The following CNTN5 variants were observed in gnomAD, a reference collection of about 807,000 sequenced individuals.
CNTN5 encodes contactin-5.
Under a neutral mutation model 129.1 loss-of-function variants are expected in CNTN5, and 77 were observed. The observed-to-expected ratio is 0.60, with a 90% CI of 0.50 to 0.72. The LOEUF is 0.72. CNTN5 is among the 30% of genes least tolerant of loss of function. The pLI is 0.00. For synonymous variants in CNTN5, 509 were observed against 465.6 expected, an observed-to-expected ratio of 1.09 and a Z score of -1.20; for missense variants, 1,478 against 1,328.8, an observed-to-expected ratio of 1.11 and a Z score of -1.75.
At chr11:99,358,396 T>TA (rs143265113) in intron 2 of CNTN5, among the ~76,000 whole-genome samples, 53,350 of 149,236 alleles carry the variant, frequency 0.36, 9,658 homozygotes, top group Admixed American at 0.47. Context: ...CGAAACCCTG[T>TA]CTCTACTACA....
chr11:100,091,905 A>G (rs983030795), intron 13 of CNTN5, among the ~76,000 whole-genome samples: 7 of 152,050 alleles, frequency 4.6e-5, no homozygotes, highest in Non-Finnish European at 7.4e-5. Context: ...TTCCTACCTT[A>G]TATGTGTCCA....
chr11:100,196,019 G>A (rs564779016), intron 15 of CNTN5, among the ~76,000 whole-genome samples: 7 of 152,072 alleles, frequency 4.6e-5, no homozygotes, highest in African/African-American at 1.7e-4. Context: ...AGAGGGACAG[G>A]ATGGGGCTGA....
At chr11:99,101,529 G>C (rs1183310843) in intron 1 of CNTN5, among the ~76,000 whole-genome samples, 1 of 152,142 alleles carries the variant, frequency 6.6e-6, no homozygotes, top group Non-Finnish European at 1.5e-5. Flanking sequence ...ACAGACATTG[G>C]GTAAATACAG....
intron 2 of CNTN5, among the ~76,000 whole-genome samples, chr11:99,552,003 G>A (rs1948502005): frequency 6.6e-6 from 1 of 151,362 alleles, no homozygotes; most frequent in Non-Finnish European, 1.5e-5. Flanking sequence ...TGTCTCCCTG[G>A]TTCAAGTGAT....
Position 100,044,168 on chromosome 11 carries a change from A to ACG in CNTN5, c.981-17044_981-17043insCG, listed in dbSNP as rs1555184706. Among the ~76,000 whole-genome samples, 71 of 43,360 alleles carry ACG rather than the reference A, an allele frequency of 1.6e-3. 1 individual carries two copies. In the East Asian group the frequency reaches 0.037, roughly 23 times the overall value. 28.4% of individuals were successfully genotyped at this position (43,360 alleles called of 152,430 possible). On this transcript the variant is annotated intron_variant, in intron 9 of 24. Coordinates refer to ENST00000524871, the MANE Select transcript of CNTN5 (RefSeq NM_014361.4). ...TGTACACACATATATATTACATATC[A>ACG]TGTATATATATATATACGTGATATG...
At chr11:99,746,055 G>A (rs1240102113) in intron 3 of CNTN5, among the ~76,000 whole-genome samples, 1 of 152,122 alleles carries the variant, frequency 6.6e-6, no homozygotes, top group Non-Finnish European at 1.5e-5. Flanking sequence ...AAGATCAGAT[G>A]TGACCACTAC....
intron 8 of CNTN5, among the ~76,000 whole-genome samples, chr11:99,963,099 T>G (rs1287346558): frequency 2.0e-5 from 3 of 152,242 alleles, no homozygotes; most frequent in African/African-American, 2.4e-5. Context: ...TTTCTCCCAT[T>G]CTGTAGGTTG....
At chr11:99,481,075 A>T (rs1040756087) in intron 2 of CNTN5, among the ~76,000 whole-genome samples, 3 of 152,058 alleles carry the variant, frequency 2.0e-5, no homozygotes, top group Non-Finnish European at 4.4e-5. Flanking sequence ...ACCATCCTAT[A>T]TCTCAGTTCC....
intron 21 of CNTN5, among the ~76,000 whole-genome samples, chr11:100,331,678 G>A (rs1565433524): frequency 6.6e-6 from 1 of 152,000 alleles, no homozygotes; most frequent in Non-Finnish European, 1.5e-5. Context: ...AGTTCAAAAA[G>A]GAATCCTCAA....
chr11:99,432,879 G>T (rs1278733532), intron 2 of CNTN5, among the ~76,000 whole-genome samples: 1 of 151,812 alleles, frequency 6.6e-6, no homozygotes, highest in Non-Finnish European at 1.5e-5. Flanking sequence ...AGATGCAAGA[G>T]TACTAGAATG....
intron 1 of CNTN5, among the ~76,000 whole-genome samples, chr11:99,289,728 G>A (rs972441238): frequency 2.0e-5 from 3 of 151,568 alleles, no homozygotes; most frequent in African/African-American, 4.8e-5. Flanking sequence ...GACATTTCTC[G>A]ACAAGTGTTG....
At chr11:99,737,144 A>AAC (rs138644247) in intron 3 of CNTN5, among the ~76,000 whole-genome samples, 2,827 of 143,248 alleles carry the variant, frequency 0.02, 75 homozygotes, top group African/African-American at 0.068. Flanking sequence ...CACACACACA[A>AAC]ACACACACAC....
chr11:99,575,077 C>A (rs1949300644), intron 3 of CNTN5, among the ~76,000 whole-genome samples: 1 of 152,164 alleles, frequency 6.6e-6, no homozygotes, highest in Non-Finnish European at 1.5e-5. Context: ...TTATTTGAAT[C>A]TTCTTACATA....
At chr11:99,038,448 C>T (rs369866572) in intron 1 of CNTN5, among the ~76,000 whole-genome samples, 6 of 152,058 alleles carry the variant, frequency 3.9e-5, no homozygotes, top group African/African-American at 1.4e-4. Context: ...TCAGTATTCT[C>T]CTTCTAGCTA....
At chr11:100,149,985 T>C (rs1947001549) in intron 13 of CNTN5, among the ~76,000 whole-genome samples, 1 of 152,110 alleles carries the variant, frequency 6.6e-6, no homozygotes, top group South Asian at 2.1e-4. Flanking sequence ...AGTTACACTT[T>C]AATCCAAACA....
intron 13 of CNTN5, among the ~76,000 whole-genome samples, chr11:100,187,864 T>C (rs981375257): frequency 6.6e-6 from 1 of 152,182 alleles, no homozygotes; most frequent in African/African-American, 2.4e-5. Flanking sequence ...AACATCATTC[T>C]GGACATTGGC....
chr11:99,835,623 T>C (rs1157184706), intron 4 of CNTN5, among the ~76,000 whole-genome samples: 1 of 152,246 alleles, frequency 6.6e-6, no homozygotes. Context: ...CTGGGCCTTC[T>C]AGAAGGGTTA....
At chr11:99,939,759 TC>T (rs1950393524) in intron 7 of CNTN5, among the ~76,000 whole-genome samples, 1 of 152,114 alleles carries the variant, frequency 6.6e-6, no homozygotes, top group Non-Finnish European at 1.5e-5. Context: ...CCCTTATCAT[TC>T]TGTGCTGTGA....
chr11:99,241,313 T>G (rs1338496900), intron 1 of CNTN5, among the ~76,000 whole-genome samples: 3 of 126,668 alleles, frequency 2.4e-5, no homozygotes, highest in Admixed American at 1.0e-4. Context: ...TTCATTTGAT[T>G]GTTGGTTTTT....
Sources: allele counts gnomAD v4.1 joint callset (sites outside exome capture counted in the v4.1 genomes callset), GRCh38; gene constraint gnomAD v4.1.1; transcripts MANE v1.5; gene names NCBI Gene and HGNC (gene_info 2026-07-23, HGNC 2026-07-21).